Variants in PARD3B observed in about 807,000 individuals in gnomAD.
PARD3B encodes par-3 family cell polarity regulator beta.
In PARD3B, 103 loss-of-function variants were observed where a neutral mutation model predicts 130.2. That is an observed-to-expected ratio of 0.79 (90% CI 0.67 to 0.93). PARD3B has a LOEUF of 0.93. Ranked by LOEUF, PARD3B falls within the 40% of genes least tolerant of loss-of-function variation. The probability of loss-of-function intolerance (pLI) is 0.00; values close to 1 mark genes in which losing one functional copy is unlikely to be tolerated. For missense variants in PARD3B, 1,609 were observed against 1,499.2 expected, an observed-to-expected ratio of 1.07 and a Z score of -1.21; for synonymous variants, 583 against 553.2, an observed-to-expected ratio of 1.05 and a Z score of -0.76.
intron 18 of PARD3B, among the ~76,000 whole-genome samples, chr2:205,346,816 CTA>C (rs1218334711): frequency 6.6e-6 from 1 of 152,172 alleles, no homozygotes; most frequent in South Asian, 2.1e-4. Flanking sequence ...TAAGGAATGA[CTA>C]TGTGTTGATG....
chr2:205,483,594 C>G (rs2049324373), intron 20 of PARD3B, among the ~76,000 whole-genome samples: 1 of 152,144 alleles, frequency 6.6e-6, no homozygotes, highest in Non-Finnish European at 1.5e-5. Flanking sequence ...CGCTCTCCCT[C>G]CCCTCTCTCC....
chr2:205,403,600 A>G (rs2046324250), intron 19 of PARD3B, among the ~76,000 whole-genome samples: 2 of 152,152 alleles, frequency 1.3e-5, no homozygotes, highest in Non-Finnish European at 2.9e-5. Flanking sequence ...CATCAGAATG[A>G]ATCATTAGAA....
At chr2:204,808,860 G>T (rs2042865549) in intron 2 of PARD3B, among the ~76,000 whole-genome samples, 1 of 152,100 alleles carries the variant, frequency 6.6e-6, no homozygotes. Context: ...TAATGGGATT[G>T]CTGGGTTCAA....
At chr2:204,604,396 C>A (rs1388236475) in intron 1 of PARD3B, among the ~76,000 whole-genome samples, 1 of 152,144 alleles carries the variant, frequency 6.6e-6, no homozygotes, top group African/African-American at 2.4e-5. Context: ...AGTGTCCTGG[C>A]ATAAAAGCTA....
intron 3 of PARD3B, among the ~76,000 whole-genome samples, chr2:205,036,426 T>C (rs907332750): frequency 6.8e-6 from 1 of 147,312 alleles, no homozygotes; most frequent in African/African-American, 2.5e-5. Context: ...TATATAAAAA[T>C]ATATGTATAT....
chr2:205,581,610 G>C lies in PARD3B; in HGVS notation c.3260+28207G>C, dbSNP rs190018691. ...TTAAATAACTAAAACAGTGGAATCG[G>C]AATGTTCCTAACACAAAGGAATGAT... is the stretch of plus-strand genomic sequence containing the variant. On this transcript the variant is annotated intron_variant, in intron 22 of 22. Transcript: ENST00000406610. Among the ~76,000 whole-genome samples the C allele has an allele frequency of 6.6e-5, 10 of 150,862 alleles. No individual in the cohort carries two copies. The East Asian group carries it at 2.0e-3, about 29-fold the overall frequency.
chr2:204,590,256 A>G (rs879767091), intron 1 of PARD3B, among the ~76,000 whole-genome samples: 3 of 152,118 alleles, frequency 2.0e-5, no homozygotes, highest in African/African-American at 7.2e-5. Context: ...TTATAAGGGC[A>G]CTAATTCCAT....
At chr2:205,481,783 C>T (rs1411143323) in intron 20 of PARD3B, among the ~76,000 whole-genome samples, 1 of 152,210 alleles carries the variant, frequency 6.6e-6, no homozygotes, top group African/African-American at 2.4e-5. Flanking sequence ...AGAACCAGAA[C>T]CCAAGCAATC....
intron 1 of PARD3B, among the ~76,000 whole-genome samples, chr2:204,676,904 G>A (rs1299554278): frequency 6.6e-6 from 1 of 151,994 alleles, no homozygotes. Flanking sequence ...TCCTGACGTC[G>A]TGATCCACCC....
In PARD3B at chr2:205,300,556, A is replaced by C. The variant is rs748791610; in HGVS notation, c.2212A>C (p.Thr738Pro). 2 of 1,613,662 alleles carry C rather than the reference A, an allele frequency of 1.2e-6. No homozygotes were observed. The highest frequency in any genetic ancestry group is 1.7e-5 in the Admixed American group (1 of 60,024). The change falls in exon 17 of 23, where the codon ACT (threonine) becomes CCT (proline). Residue 738 changes from threonine (T) to proline (P), a missense_variant. By Grantham distance (38) the Thr-to-Pro change is conservative. Transcript: ENST00000406610. The surrounding 1 kb of genome is among the most constrained non-coding windows in gnomAD (Gnocchi z 4.1). ...ATCTCCAAGCAAAGATTTTGGTCCA[A>C]CTCTGGGTTTGAAAAAGTCCAGCTC... Reference protein sequence around the residue: ...SESPSKDFGPTLGLKKSSSLE... With the variant: ...SESPSKDFGPPLGLKKSSSLE...
intron 2 of PARD3B, among the ~76,000 whole-genome samples, chr2:204,733,383 T>G (rs918790761): frequency 6.6e-6 from 1 of 151,858 alleles, no homozygotes; most frequent in Admixed American, 6.6e-5. Context: ...AAATGAGAGA[T>G]ACAGTTTTTA....
At chr2:205,006,024 C>T (rs992383495) in intron 3 of PARD3B, among the ~76,000 whole-genome samples, 2 of 152,176 alleles carry the variant, frequency 1.3e-5, no homozygotes, top group Non-Finnish European at 2.9e-5. Flanking sequence ...TTTGCATCGT[C>T]ATAGCTTAGC....
At chr2:205,090,894 A>G (rs1702063138) in intron 4 of PARD3B, among the ~76,000 whole-genome samples, 1 of 152,176 alleles carries the variant, frequency 6.6e-6, no homozygotes, top group African/African-American at 2.4e-5. Context: ...CAGAATGTGT[A>G]AACAGTCGGC....
At chr2:204,998,399 T>TAAAGAATTAGAGAAGA (rs1559341725) in intron 3 of PARD3B, among the ~76,000 whole-genome samples, 4 of 73,432 alleles carry the variant, frequency 5.4e-5, no homozygotes, top group Non-Finnish European at 1.1e-4. Context: ...TATATATGTA[T>TAAAGAATTAGAGAAGA]ATATGTGTAT....
At chr2:205,159,141 A>G (rs1404716264) in intron 11 of PARD3B, among the ~76,000 whole-genome samples, 2 of 152,356 alleles carry the variant, frequency 1.3e-5, no homozygotes, top group East Asian at 3.9e-4. Context: ...CATGATTCAC[A>G]TTCTTTTTTG....
chr2:205,084,111 G>A (rs77436931), intron 4 of PARD3B, among the ~76,000 whole-genome samples: 3,584 of 152,018 alleles, frequency 0.024, 102 homozygotes, highest in African/African-American at 0.07. Context: ...AAAATCTAAG[G>A]ATCAGTTTGT....
At chr2:204,949,240 T>G (rs746161652) in intron 2 of PARD3B, among the ~76,000 whole-genome samples, 3 of 152,142 alleles carry the variant, frequency 2.0e-5, no homozygotes, top group Non-Finnish European at 2.9e-5. Flanking sequence ...GATATTATGT[T>G]CTAATTGGTA....
intron 15 of PARD3B, among the ~76,000 whole-genome samples, chr2:205,215,356 A>G (rs1282035537): frequency 6.6e-6 from 1 of 151,980 alleles, no homozygotes; most frequent in Non-Finnish European, 1.5e-5. Context: ...TAGGATTAAG[A>G]GACACTGCTT....
intron 2 of PARD3B, among the ~76,000 whole-genome samples, chr2:204,695,050 A>C (rs1273025719): frequency 6.6e-6 from 1 of 152,028 alleles, no homozygotes; most frequent in Non-Finnish European, 1.5e-5. Context: ...GGAAAAACCC[A>C]ATAAAATTTG....
Sources: allele counts gnomAD v4.1 joint callset (sites outside exome capture counted in the v4.1 genomes callset), GRCh38; gene constraint gnomAD v4.1.1; non-coding constraint Gnocchi (gnomAD v3.1); transcripts MANE v1.5; gene names NCBI Gene and HGNC (gene_info 2026-07-23, HGNC 2026-07-21).